MPPED2: variants seen among roughly 807,000 people sequenced by gnomAD.
MPPED2 encodes the protein metallophosphoesterase MPPED2.
In MPPED2, 5 loss-of-function variants were observed where a neutral mutation model predicts 33.0. The observed-to-expected ratio is 0.15, with a 90% confidence interval of 0.08 to 0.32. MPPED2 has a LOEUF of 0.32. Ranked by LOEUF, MPPED2 falls within the 10% of genes least tolerant of loss-of-function variation. MPPED2 has a pLI of 1.00. For synonymous variants in MPPED2, 136 were observed against 141.9 expected (o/e 0.96, Z 0.29); for missense variants, 275 against 372.1 (o/e 0.74, Z 2.15).
intron 4 of MPPED2, among the ~76,000 whole-genome samples, chr11:30,427,010 G>A (rs764128192): frequency 2.0e-5 from 3 of 152,096 alleles, no homozygotes; most frequent in Non-Finnish European, 4.4e-5. Flanking sequence ...AGCACAGGAC[G>A]AACAGGACAG....
chr11:30,530,500 T>C (rs1954461341), intron 3 of MPPED2, among the ~76,000 whole-genome samples: 1 of 152,176 alleles, frequency 6.6e-6, no homozygotes, highest in South Asian at 2.1e-4. Context: ...TGGTGACTGA[T>C]GTGTTAAGGA....
At chr11:30,570,535 T>C (rs996361591) in intron 2 of MPPED2, among the ~76,000 whole-genome samples, 5 of 152,180 alleles carry the variant, frequency 3.3e-5, no homozygotes, top group Non-Finnish European at 7.3e-5. Context: ...GAATACAGTT[T>C]GATAGGCTTC....
chr11:30,403,215 C>G (rs1040235395), intron 6 of MPPED2, among the ~76,000 whole-genome samples: 2 of 150,636 alleles, frequency 1.3e-5, no homozygotes, highest in African/African-American at 4.9e-5. Context: ...CCACTGCACT[C>G]CAGCCTGGGC....
intron 4 of MPPED2, among the ~76,000 whole-genome samples, chr11:30,419,558 T>C (rs1948519813): frequency 6.6e-6 from 1 of 152,160 alleles, no homozygotes; most frequent in African/African-American, 2.4e-5. Context: ...GGTGACAACA[T>C]CTGAGTTTCT....
At chr11:30,463,087 C>T (rs1351261275) in intron 4 of MPPED2, among the ~76,000 whole-genome samples, 1 of 152,158 alleles carries the variant, frequency 6.6e-6, no homozygotes, top group African/African-American at 2.4e-5. Context: ...AAACTTACAA[C>T]AGGGGTATAA....
intron 4 of MPPED2, among the ~76,000 whole-genome samples, chr11:30,446,118 AATT>A (rs1436210099): frequency 1.3e-5 from 2 of 152,184 alleles, no homozygotes; most frequent in Non-Finnish European, 2.9e-5. Context: ...ACTCAGCCCA[AATT>A]TAGACCAATA....
At chr11:30,406,585 G>A (rs1947992991), downstream of MPPED2, among the ~76,000 whole-genome samples, 1 of 152,178 alleles carries the variant, frequency 6.6e-6, no homozygotes, top group Non-Finnish European at 1.5e-5. Flanking sequence ...TAAACTTCTG[G>A]AAGAGCCATG....
At chr11:30,454,597 T>C (rs1950202654) in intron 4 of MPPED2, among the ~76,000 whole-genome samples, 1 of 151,908 alleles carries the variant, frequency 6.6e-6, no homozygotes, top group South Asian at 2.1e-4. Context: ...ATTTGATCCC[T>C]GAAACATAAA....
intron 2 of MPPED2, among the ~76,000 whole-genome samples, chr11:30,553,517 T>C (rs1263571638): frequency 6.6e-6 from 1 of 152,198 alleles, no homozygotes; most frequent in Non-Finnish European, 1.5e-5. Flanking sequence ...CAAACACGAA[T>C]TTTTGTTTTA....
intron 3 of MPPED2, among the ~76,000 whole-genome samples, chr11:30,514,063 C>T (rs763194363): frequency 5.9e-5 from 9 of 152,222 alleles, no homozygotes; most frequent in Non-Finnish European, 1.0e-4. Flanking sequence ...TTCAAATCTT[C>T]ACCCCACCTT....
rs1192812680 is a variant in MPPED2, at chr11:30,416,153, G to A, written c.652+1365C>T. Among the ~76,000 whole-genome samples the A allele has an allele frequency of 2.0e-5, 3 of 152,370 alleles. No homozygotes were observed. In the East Asian group the frequency reaches 5.8e-4, roughly 29 times the overall value. On this transcript the variant is annotated intron_variant, in intron 5 of 6. Coordinates refer to ENST00000358117, the MANE Select transcript of MPPED2 (RefSeq NM_001584.3). The stretch of plus-strand genomic sequence containing the variant: ...AAAACATGGGTTGAGGTGGTCTGGG[G>A]ATGATGAAAAAGCATGGGAATGGTG...
intron 2 of MPPED2, among the ~76,000 whole-genome samples, chr11:30,563,133 C>T (rs979172284): frequency 1.3e-5 from 2 of 151,984 alleles, no homozygotes; most frequent in African/African-American, 2.4e-5. Context: ...TTTTCAATGA[C>T]ACCCAGCTTC....
intron 4 of MPPED2, among the ~76,000 whole-genome samples, chr11:30,434,956 C>T (rs373700426): frequency 6.6e-6 from 1 of 152,112 alleles, no homozygotes; most frequent in Non-Finnish European, 1.5e-5. Context: ...GATCCAAACT[C>T]AGATTTGGTT....
intron 5 of MPPED2, among the ~76,000 whole-genome samples, chr11:30,417,302 C>T (rs1336298462): frequency 6.6e-6 from 1 of 152,082 alleles, no homozygotes; most frequent in Non-Finnish European, 1.5e-5. Context: ...CCTGACTTGA[C>T]TAAATCAAAA....
At chr11:30,521,430 A>G (rs1272497484) in intron 3 of MPPED2, among the ~76,000 whole-genome samples, 1 of 152,186 alleles carries the variant, frequency 6.6e-6, no homozygotes, top group African/African-American at 2.4e-5. Context: ...TTCCACAAGG[A>G]CTAACAGCCA....
intron 3 of MPPED2, among the ~76,000 whole-genome samples, chr11:30,507,569 A>T (rs967526957): frequency 6.6e-6 from 1 of 152,198 alleles, no homozygotes; most frequent in Non-Finnish European, 1.5e-5. Context: ...GAAACCCCTC[A>T]GAGAAGGTTA....
chr11:30,454,237 C>T (rs1308005696), intron 4 of MPPED2, among the ~76,000 whole-genome samples: 2 of 152,182 alleles, frequency 1.3e-5, no homozygotes, highest in Non-Finnish European at 2.9e-5. Context: ...CTCATTAAAT[C>T]TAAGCCTCAT....
chr11:30,529,328 A>G (rs1029183922), intron 3 of MPPED2, among the ~76,000 whole-genome samples: 1 of 152,222 alleles, frequency 6.6e-6, no homozygotes, highest in African/African-American at 2.4e-5. Flanking sequence ...AGGAATGTAT[A>G]TTTTATACTT....
At chr11:30,524,321 C>G (rs1335487275) in intron 3 of MPPED2, among the ~76,000 whole-genome samples, 1 of 151,794 alleles carries the variant, frequency 6.6e-6, no homozygotes, top group Non-Finnish European at 1.5e-5. Flanking sequence ...ACACACAAGT[C>G]CAAAGAGTGA....
Sources: allele counts gnomAD v4.1 joint callset (sites outside exome capture counted in the v4.1 genomes callset), GRCh38; gene constraint gnomAD v4.1.1; transcripts MANE v1.5; gene names NCBI Gene and HGNC (gene_info 2026-07-23, HGNC 2026-07-21).